Variants in UTP20 observed in about 807,000 individuals in gnomAD.
UTP20 encodes the protein small subunit processome component 20 homolog.
Under a neutral mutation model 329.5 loss-of-function variants are expected in UTP20, and 164 were observed. The ratio of observed to expected loss-of-function variants is 0.50; its 90% CI spans 0.44 to 0.57. The LOEUF (loss-of-function observed/expected upper bound fraction) is 0.57, where lower values mean the gene tolerates loss of function less well. Ranked by LOEUF, UTP20 falls within the 20% of genes least tolerant of loss-of-function variation. The probability of loss-of-function intolerance (pLI) is 0.00; values close to 1 mark genes in which losing one functional copy is unlikely to be tolerated. For synonymous variants in UTP20, 1,151 were observed against 1,159.3 expected, an observed-to-expected ratio of 0.99 and a Z score of 0.14; for missense variants, 3,055 against 3,284.2, an observed-to-expected ratio of 0.93 and a Z score of 1.71.
At position 101,290,181 on chromosome 12, in the gene UTP20, T is replaced by C. The variant is rs1381581862; in HGVS notation, c.642T>C (p.Leu214=). The C allele has an allele frequency of 1.6e-5, 26 of 1,608,238 alleles. No individual in the cohort carries two copies. The highest frequency in any genetic ancestry group is 2.0e-5 in the Non-Finnish European group (24 of 1,176,874). The change falls in exon 7 of 62, where the codon CTT becomes CTC. Residue 214 remains leucine, a synonymous_variant. Coordinates refer to ENST00000261637, the MANE Select transcript of UTP20 (RefSeq NM_014503.3). Reference sequence around the variant, plus strand: ...TTTTCAATTTAATGTTTCTTGATCTTGATAAACATCCAGAAAAAGTTGAAG... The same window carrying C: ...TTTTCAATTTAATGTTTCTTGATCTCGATAAACATCCAGAAAAAGTTGAAG... The part of the protein sequence containing the change: ...NALFNLMFLD[L]DKHPEKVEGV...
Position 101,315,655 on chromosome 12 carries a change from C to A in UTP20, c.2553-1823C>A, listed in dbSNP as rs192270055. Among the ~76,000 whole-genome samples the A allele has an allele frequency of 2.1e-4, 32 of 152,160 alleles. No homozygotes were observed. The East Asian group carries it at 5.6e-3, about 27-fold the overall frequency. On this transcript the variant is annotated intron_variant, in intron 21 of 61. Coordinates refer to ENST00000261637, the MANE Select transcript of UTP20 (RefSeq NM_014503.3). ...ATGATTTTCTCTTTTTCAAATAATTCTTTGGGCATAAATTTATAGAATAAG... is the reference window on the plus strand; with the variant it reads ...ATGATTTTCTCTTTTTCAAATAATTATTTGGGCATAAATTTATAGAATAAG...
chr12:101,305,801 G>T (rs943302472), intron 15 of UTP20, 114 bp from the exon 16 acceptor site: 2 of 1,248,250 alleles, frequency 1.6e-6, no homozygotes, highest in South Asian at 2.3e-5. Context: ...TGAGACTTTT[G>T]CCTGTTACCT....
rs142992459 is a variant in UTP20, at chr12:101,383,697, C to A, written c.8056+28C>A. The A allele has an allele frequency of 2.9e-4, 428 of 1,486,676 alleles. 1 individual carries two copies. The African/African-American group carries it at 5.2e-3, about 18-fold the overall frequency. The allele number at this position is 1,486,676 out of a possible 1,614,324, so 92.1% of individuals were successfully genotyped here. A position where few individuals can be genotyped will look rare whatever the true frequency, so the allele number is the denominator to read the frequency against. ...AACCCTGCCTCGTCTGTTCTCCTGC[C>A]TTTTGCACATGAGGATTTCTAACTT... is the stretch of plus-strand genomic sequence containing the variant. On this transcript the variant is annotated intron_variant, in intron 60 of 61. Transcript: ENST00000261637.
chr12:101,383,321 G>C lies in UTP20; in HGVS notation c.7929+8G>C. On this transcript the variant is annotated splice_region_variant and intron_variant, in intron 59 of 61. Coordinates refer to ENST00000261637, the MANE Select transcript of UTP20 (RefSeq NM_014503.3). The stretch of plus-strand genomic sequence containing the variant: ...CCGAGAAACCCCTTAAAGGTGCGAT[G>C]AATGCACAGAATGACTGACAGTAGT... 6.2e-7 allele frequency: 1 copy of C among 1,609,088 alleles called. No individual in the cohort carries two copies.
intron 59 of UTP20, 67 bp from the exon 60 acceptor site, chr12:101,383,476 A>G (rs1292500510): frequency 4.5e-6 from 7 of 1,562,346 alleles, no homozygotes; most frequent in Non-Finnish European, 6.1e-6. Context: ...TTCTCAATTA[A>G]TGCTGTGTCT....
rs75817013 is a variant in UTP20, at chr12:101,291,762, C to T, written c.912C>T (p.His304=). 7.8e-3 allele frequency: 12,438 copies of T among 1,599,170 alleles called. 136 individuals carry two copies. The highest frequency in any genetic ancestry group is 0.048 in the African/African-American group (3,607 of 74,568). ...ECLQESLLDL[H]TKVTKTNCCE... ...TGCAGGAATCGCTCTTGGATCTACA[C>T]ACAAAAGTAACAAAAACTAACTGTT... Residue 304 remains histidine (H), a synonymous_variant, in exon 9 of 62, where the codon CAC becomes CAT. Coordinates refer to ENST00000261637, the MANE Select transcript of UTP20 (RefSeq NM_014503.3).
At chr12:101,284,767 C>G (rs538441150) in intron 2 of UTP20, among the ~76,000 whole-genome samples, 1 of 152,244 alleles carries the variant, frequency 6.6e-6, no homozygotes, top group African/African-American at 2.4e-5. Flanking sequence ...TCTCACTCCT[C>G]CCACCCCTAA....
chr12:101,383,035 T>C lies in UTP20; in HGVS notation c.7657-6T>C. 1 of 1,583,322 alleles carries C rather than the reference T, an allele frequency of 6.3e-7. No homozygotes were observed. The highest frequency in any genetic ancestry group is 8.6e-7 in the Non-Finnish European group (1 of 1,168,948). ...ATTTCTTCCCCCACCCCGTTTTTTT[T>C]TAAAGGTTGTTAAGAATTTGTTGTT... On this transcript the variant is annotated splice_polypyrimidine_tract_variant and splice_region_variant and intron_variant, in intron 58 of 61. Coordinates refer to ENST00000261637, the MANE Select transcript of UTP20 (RefSeq NM_014503.3).
intron 29 of UTP20, among the ~76,000 whole-genome samples, chr12:101,335,017 A>G (rs981009613): frequency 6.6e-6 from 1 of 152,250 alleles, no homozygotes; most frequent in African/African-American, 2.4e-5. Flanking sequence ...CAGTATATAT[A>G]GTGTGATCCA....
At chr12:101,326,816 T>C (rs1338259814) in intron 25 of UTP20, 3 of 233,128 alleles carry the variant, frequency 1.3e-5, no homozygotes, top group Non-Finnish European at 8.2e-6. Context: ...TTTAAACTCC[T>C]GAGCTCAAGT....
chr12:101,311,959 A>C, intron 20 of UTP20, 77 bp from the exon 21 acceptor site: 1 of 1,592,786 alleles, frequency 6.3e-7, no homozygotes, highest in Non-Finnish European at 8.6e-7. Context: ...TAGAGAAAGA[A>C]ATGCCCTCTC....
At position 101,356,946 on chromosome 12, in the gene UTP20, C is replaced by T. The variant is rs1471299477; in HGVS notation, c.5555C>T (p.Ala1852Val). 1.9e-6 allele frequency: 3 copies of T among 1,610,976 alleles called. No homozygotes were observed. The highest frequency in any genetic ancestry group is 2.5e-6 in the Non-Finnish European group (3 of 1,179,378). ...TCTAGTATTTTGCTGAAAGTGTGTG[C>T]CCTACTCAAGAACAGAGCCCAAGAA... Reference protein sequence around the residue: ...NLPSILLKVCALLKNRAQEIR... With the variant: ...NLPSILLKVCVLLKNRAQEIR... The change falls in exon 43 of 62, where the codon GCC becomes GTC. Residue 1852 changes from alanine to valine, a missense_variant. Coordinates refer to ENST00000261637, the MANE Select transcript of UTP20 (RefSeq NM_014503.3).
At chr12:101,342,156 C>G (rs1869161749) in intron 32 of UTP20, among the ~76,000 whole-genome samples, 1 of 152,026 alleles carries the variant, frequency 6.6e-6, no homozygotes, top group Non-Finnish European at 1.5e-5. Context: ...GACTGTACTT[C>G]AGCAAGCTCA....
At chr12:101,313,515 G>A (rs1565791328) in intron 21 of UTP20, among the ~76,000 whole-genome samples, 1 of 152,156 alleles carries the variant, frequency 6.6e-6, no homozygotes, top group South Asian at 2.1e-4. Context: ...ATAGACTGTA[G>A]AATGACATTG....
intron 48 of UTP20, among the ~76,000 whole-genome samples, 182 bp from the exon 49 acceptor site, chr12:101,369,539 C>T (rs1249836180): frequency 1.3e-5 from 2 of 152,212 alleles, no homozygotes; most frequent in Non-Finnish European, 2.9e-5. Flanking sequence ...AATTCTTCTA[C>T]AACCAGGAAT....
At chr12:101,353,372 A>G (rs1258207700) in intron 40 of UTP20, among the ~76,000 whole-genome samples, 3 of 152,250 alleles carry the variant, frequency 2.0e-5, no homozygotes, top group South Asian at 2.1e-4. Flanking sequence ...TAGATTATTT[A>G]TATAGAAATC....
At chr12:101,382,872 A>C (rs1043852408) in intron 58 of UTP20, among the ~76,000 whole-genome samples, 169 bp from the exon 59 acceptor site, 2 of 151,476 alleles carry the variant, frequency 1.3e-5, no homozygotes, top group African/African-American at 4.8e-5. Flanking sequence ...AAAAAAAGGA[A>C]TATCTAAAAA....
At chr12:101,350,093 C>T (rs1180767525) in intron 38 of UTP20, among the ~76,000 whole-genome samples, 1 of 152,054 alleles carries the variant, frequency 6.6e-6, no homozygotes, top group Non-Finnish European at 1.5e-5. Flanking sequence ...ATATTTTTCT[C>T]TCACTTCTTT....
chr12:101,280,426 G>T, intron 1 of UTP20, 99 bp downstream of exon 1: 1 of 1,429,490 alleles, frequency 7.0e-7, no homozygotes, highest in Non-Finnish European at 9.6e-7. Flanking sequence ...CTTCTGGGCC[G>T]AGTGTGTCAC....
Sources: gnomAD v4.1 joint callset for allele counts (sites outside exome capture counted in the v4.1 genomes callset) on GRCh38, gnomAD v4.1.1 for gene constraint, MANE v1.5 for transcripts, NCBI Gene and HGNC (gene_info 2026-07-23, HGNC 2026-07-21) for gene names.